The following PALLD variants were observed in gnomAD, a reference collection of about 807,000 sequenced individuals.
PALLD encodes palladin, cytoskeletal associated protein, also known as palladin.
Under a neutral mutation model 123.5 loss-of-function variants are expected in PALLD, and 61 were observed. The ratio of observed to expected loss-of-function variants is 0.49; its 90% confidence interval spans 0.40 to 0.61. The LOEUF is 0.61. Among genes scored for constraint, PALLD ranks in the 20% least tolerant of loss-of-function variants. PALLD has a pLI of 0.00. For missense variants in PALLD, 1,273 were observed against 1,377.0 expected, an observed-to-expected ratio of 0.92 and a Z score of 1.20; for synonymous variants, 465 against 496.4, an observed-to-expected ratio of 0.94 and a Z score of 0.84.
At chr4:168,593,917 T>G (rs1771714653) in intron 2 of PALLD, among the ~76,000 whole-genome samples, 1 of 152,218 alleles carries the variant, frequency 6.6e-6, no homozygotes. Context: ...GTATTGTTTT[T>G]CCAAAGTGCT....
chr4:168,774,240 G>A (rs549257724), intron 10 of PALLD, among the ~76,000 whole-genome samples: 2 of 152,212 alleles, frequency 1.3e-5, no homozygotes, highest in East Asian at 3.9e-4. Flanking sequence ...GCCAGTCACA[G>A]CCCCTGCCAC....
At chr4:168,510,947 A>G (rs1762474538) in intron 1 of PALLD, among the ~76,000 whole-genome samples, 1 of 152,234 alleles carries the variant, frequency 6.6e-6, no homozygotes, top group African/African-American at 2.4e-5. Context: ...GAGTGAATGA[A>G]TATGAATGCA....
intron 2 of PALLD, among the ~76,000 whole-genome samples, chr4:168,586,153 TA>T (rs35474736): frequency 0.12 from 9,428 of 75,498 alleles, 257 homozygotes; most frequent in South Asian, 0.16. Context: ...TCAAGAGACC[TA>T]AAAAAAAAAA....
chr4:168,787,973 A>G (rs574336394), intron 10 of PALLD, among the ~76,000 whole-genome samples: 3 of 152,366 alleles, frequency 2.0e-5, no homozygotes, highest in South Asian at 2.1e-4. Flanking sequence ...AAAAGTCTGT[A>G]TAACTTCGCT....
Position 168,843,182 on chromosome 4 carries a change from A to G in PALLD, c.1965-47740A>G, listed in dbSNP as rs549839778. Among the ~76,000 whole-genome samples, 71 of 152,330 alleles carry G rather than the reference A, an allele frequency of 4.7e-4. 3 individuals carry two copies. The South Asian group carries it at 0.014, about 30-fold the overall frequency. ...TCCCTGCAAACCTTTTAGAAAATTTATGCTAGTTTATATTTCAGGAGGTAA... is the reference window on the plus strand; with the variant it reads ...TCCCTGCAAACCTTTTAGAAAATTTGTGCTAGTTTATATTTCAGGAGGTAA... On this transcript the variant is annotated intron_variant, in intron 10 of 21. Transcript: ENST00000505667.
At position 168,505,576 on chromosome 4, in the gene PALLD, G is replaced by C. The variant is rs142396626; in HGVS notation, c.-82-5847G>C. Among the ~76,000 whole-genome samples the C allele has an allele frequency of 1.9e-3, 293 of 152,334 alleles. 2 individuals carry two copies. Among genetic ancestry groups the C allele is most frequent in the Middle Eastern group, 0.017 (5 of 294 alleles). On this transcript the variant is annotated intron_variant, in intron 1 of 21. Coordinates refer to ENST00000505667, the MANE Select transcript of PALLD (RefSeq NM_001166108.2). ...GATTCTCAATTATGAAAACTACAAT[G>C]GTAAGATGGTAAAGTGCATAGAACA...
intron 10 of PALLD, among the ~76,000 whole-genome samples, chr4:168,725,961 C>T (rs1428047612): frequency 2.6e-5 from 4 of 152,210 alleles, no homozygotes; most frequent in African/African-American, 4.8e-5. Flanking sequence ...CTTCCCTTCC[C>T]TCATAGCCAC....
chr4:168,626,573 T>C (rs1775315581), intron 2 of PALLD, among the ~76,000 whole-genome samples: 1 of 151,694 alleles, frequency 6.6e-6, no homozygotes, highest in Admixed American at 6.6e-5. Context: ...TAGCCGGGTA[T>C]GGTGGCACAC....
At chr4:168,799,268 C>T (rs1471497860) in intron 10 of PALLD, among the ~76,000 whole-genome samples, 2 of 152,166 alleles carry the variant, frequency 1.3e-5, no homozygotes, top group Admixed American at 6.5e-5. Flanking sequence ...AGTTAGGTTG[C>T]AATTCATCCA....
intron 10 of PALLD, among the ~76,000 whole-genome samples, chr4:168,815,887 A>G (rs1741838628): frequency 6.6e-6 from 1 of 152,238 alleles, no homozygotes; most frequent in African/African-American, 2.4e-5. Context: ...ATATTTAATC[A>G]CTTAAGGGTA....
intron 15 of PALLD, among the ~76,000 whole-genome samples, chr4:168,909,772 T>C (rs555125266): frequency 1.4e-4 from 21 of 152,296 alleles, no homozygotes; most frequent in African/African-American, 4.6e-4. Context: ...TATATGACCT[T>C]TGTCAAAAAT....
At chr4:168,717,603 G>T (rs959943637) in intron 10 of PALLD, among the ~76,000 whole-genome samples, 22 of 152,012 alleles carry the variant, frequency 1.4e-4, no homozygotes, top group Admixed American at 4.6e-4. Flanking sequence ...CACCCACCTC[G>T]GCCTCCCAAA....
chr4:168,714,125 A>G (rs1278367600), intron 10 of PALLD, among the ~76,000 whole-genome samples: 1 of 151,946 alleles, frequency 6.6e-6, no homozygotes, highest in East Asian at 1.9e-4. Context: ...AGAATATGTT[A>G]TTGGATTTTG....
chr4:168,689,417 A>G (rs1001541970), intron 6 of PALLD, among the ~76,000 whole-genome samples: 4 of 119,402 alleles, frequency 3.4e-5, no homozygotes, highest in African/African-American at 1.2e-4. Flanking sequence ...TACACCTTAC[A>G]TTCGATCCAA....
intron 10 of PALLD, among the ~76,000 whole-genome samples, chr4:168,882,011 C>T (rs1454156562): frequency 6.6e-6 from 1 of 152,198 alleles, no homozygotes; most frequent in African/African-American, 2.4e-5. Context: ...AATCTGTGCT[C>T]ATAAGGGAGT....
intron 2 of PALLD, among the ~76,000 whole-genome samples, chr4:168,539,741 C>T (rs575413208): frequency 6.6e-6 from 1 of 152,048 alleles, no homozygotes; most frequent in South Asian, 2.1e-4. Flanking sequence ...CCGTTGGTAC[C>T]CTGTTGATTC....
At chr4:168,837,739 T>C (rs1045212909) in intron 10 of PALLD, among the ~76,000 whole-genome samples, 1 of 152,242 alleles carries the variant, frequency 6.6e-6, no homozygotes, top group East Asian at 1.9e-4. Flanking sequence ...AAATGGCAAG[T>C]CTGGGACCTC....
At chr4:168,593,633 T>C (rs1211675207) in intron 2 of PALLD, among the ~76,000 whole-genome samples, 3 of 152,078 alleles carry the variant, frequency 2.0e-5, no homozygotes, top group African/African-American at 7.2e-5. Flanking sequence ...CATCCACAGA[T>C]AATCAAAATG....
intron 10 of PALLD, among the ~76,000 whole-genome samples, chr4:168,799,405 G>A (rs1486058990): frequency 3.9e-5 from 6 of 152,114 alleles, no homozygotes; most frequent in Non-Finnish European, 7.4e-5. Flanking sequence ...AAAGGTAACC[G>A]AAGTCTCTCA....
Sources: gnomAD v4.1 joint callset for allele counts (sites outside exome capture counted in the v4.1 genomes callset) on GRCh38, gnomAD v4.1.1 for gene constraint, MANE v1.5 for transcripts, NCBI Gene and HGNC (gene_info 2026-07-23, HGNC 2026-07-21) for gene names.